SLC44A1: variants seen among roughly 807,000 people sequenced by gnomAD.
The protein encoded by SLC44A1 is choline transporter-like protein 1.
In SLC44A1, 26 loss-of-function variants were observed where a neutral mutation model predicts 79.3. The ratio of observed to expected loss-of-function variants is 0.33; its 90% CI spans 0.24 to 0.46. The LOEUF (loss-of-function observed/expected upper bound fraction) is 0.46. Ranked by LOEUF, SLC44A1 falls within the 20% of genes least tolerant of loss-of-function variation. The probability of loss-of-function intolerance (pLI) is 1.00; values close to 1 mark genes in which losing one functional copy is unlikely to be tolerated. For missense variants in SLC44A1, 688 were observed against 798.1 expected (o/e 0.86, Z 1.66); for synonymous variants, 263 against 286.2 (o/e 0.92, Z 0.82).
intron 13 of SLC44A1, among the ~76,000 whole-genome samples, chr9:105,381,785 A>G (rs1240860073): frequency 6.6e-6 from 1 of 152,194 alleles, no homozygotes; most frequent in Non-Finnish European, 1.5e-5. Context: ...GAGAGGGATC[A>G]ATTTATAGCT....
chr9:105,412,704 C>T (rs10114015), intron 15 of SLC44A1, among the ~76,000 whole-genome samples: 5 of 152,162 alleles, frequency 3.3e-5, no homozygotes, highest in African/African-American at 9.6e-5. Context: ...TGGGTTCTAG[C>T]GATTCTCCTG....
rs115626220 is a variant in SLC44A1, at chr9:105,276,979, G to A, written c.37-22241G>A. ...ATTGAAACTAGTGTTGAGGGGACACGGGTGGAAGCAGATAGAAGGCTATTG... is the reference window on the plus strand; with the variant it reads ...ATTGAAACTAGTGTTGAGGGGACACAGGTGGAAGCAGATAGAAGGCTATTG... On this transcript the variant is annotated intron_variant, in intron 1 of 15. Coordinates refer to ENST00000374720, the MANE Select transcript of SLC44A1 (RefSeq NM_080546.5). Among the ~76,000 whole-genome samples, 1,115 of 152,352 alleles carry A rather than the reference G, an allele frequency of 7.3e-3. 8 individuals are homozygous for A. The highest frequency in any genetic ancestry group is 0.025 in the African/African-American group (1,056 of 41,580).
At chr9:105,350,840 A>G (rs548176257) in intron 5 of SLC44A1, among the ~76,000 whole-genome samples, 1 of 152,328 alleles carries the variant, frequency 6.6e-6, no homozygotes, top group South Asian at 2.1e-4. Context: ...CCTTTGGCCC[A>G]TCTTTCTTGG....
chr9:105,335,585 T>C lies in SLC44A1; in HGVS notation c.292T>C (p.Cys98Arg). Reference sequence around the variant, plus strand: ...TAGGTATGTATTCTTTTTGGATCCATGCAACCTGGACTTGATAAACCGGAA... The same window carrying C: ...TAGGTATGTATTCTTTTTGGATCCACGCAACCTGGACTTGATAAACCGGAA... ...QRKYVFFLDP[C>R]NLDLINRKIK... Residue 98 changes from cysteine to arginine, a missense_variant, in exon 4 of 16, where the codon TGC becomes CGC. Coordinates refer to ENST00000374720, the MANE Select transcript of SLC44A1 (RefSeq NM_080546.5). The C allele has an allele frequency of 6.2e-7, 1 of 1,612,860 alleles. No homozygotes were observed. Among genetic ancestry groups the C allele is most frequent in the Non-Finnish European group, 8.5e-7 (1 of 1,179,182 alleles).
chr9:105,267,320 G>A (rs1829984012), intron 1 of SLC44A1, among the ~76,000 whole-genome samples: 2 of 152,084 alleles, frequency 1.3e-5, no homozygotes, highest in Admixed American at 6.5e-5. Flanking sequence ...CCCAAGTTCT[G>A]ACATTTTTCA....
rs182129695 is a variant in SLC44A1, at chr9:105,263,896, C to T, written c.36+18992C>T. On this transcript the variant is annotated intron_variant, in intron 1 of 15. Coordinates refer to ENST00000374720, the MANE Select transcript of SLC44A1 (RefSeq NM_080546.5). Reference sequence around the variant, plus strand: ...AGGGCTTGTTATTTTAAAAAGCTCCCCACCCTCCCCATTTTCTGCTGCCCT... The same window carrying T: ...AGGGCTTGTTATTTTAAAAAGCTCCTCACCCTCCCCATTTTCTGCTGCCCT... Among the ~76,000 whole-genome samples, 70 of 152,018 alleles carry T rather than the reference C, an allele frequency of 4.6e-4. 1 individual carries two copies. The highest frequency in any genetic ancestry group is 1.7e-3 in the African/African-American group (70 of 41,478).
At chr9:105,412,876 T>TA (rs1829115947) in intron 15 of SLC44A1, among the ~76,000 whole-genome samples, 1 of 152,156 alleles carries the variant, frequency 6.6e-6, no homozygotes, top group Non-Finnish European at 1.5e-5. Context: ...GTTCTAGGAT[T>TA]ACAGGCATGA....
At chr9:105,318,903 A>C (rs1461738462) in intron 3 of SLC44A1, among the ~76,000 whole-genome samples, 1 of 152,104 alleles carries the variant, frequency 6.6e-6, no homozygotes, top group Non-Finnish European at 1.5e-5. Context: ...GCCATGTCTA[A>C]GTTAAACAGC....
chr9:105,417,294 T>G (rs1477036375), intron 15 of SLC44A1, among the ~76,000 whole-genome samples: 3 of 152,244 alleles, frequency 2.0e-5, no homozygotes, highest in African/African-American at 7.2e-5. Flanking sequence ...ATGGATACAT[T>G]ACCATGTTGC....
At chr9:105,343,555 A>G (rs916041059) in intron 4 of SLC44A1, among the ~76,000 whole-genome samples, 2 of 152,238 alleles carry the variant, frequency 1.3e-5, no homozygotes, top group Admixed American at 6.5e-5. Flanking sequence ...ACAGTAAGTC[A>G]AAAGATTTGA....
intron 2 of SLC44A1, among the ~76,000 whole-genome samples, chr9:105,306,438 T>C (rs1224649292): frequency 6.6e-6 from 1 of 152,198 alleles, no homozygotes; most frequent in East Asian, 1.9e-4. Context: ...AAAGAGATTG[T>C]ATTTTTAATT....
chr9:105,349,344 T>G (rs891782052), intron 5 of SLC44A1, among the ~76,000 whole-genome samples: 1 of 152,184 alleles, frequency 6.6e-6, no homozygotes, highest in Admixed American at 6.5e-5. Context: ...TATAAAAAAT[T>G]TTGAGACTCA....
At chr9:105,426,302 G>T (rs7026554) in intron 15 of SLC44A1, among the ~76,000 whole-genome samples, 6,542 of 152,162 alleles carry the variant, frequency 0.043, 460 homozygotes, top group African/African-American at 0.15. Flanking sequence ...TATTTCTAAG[G>T]TTATATTTTT....
Position 105,364,690 on chromosome 9 carries a change from C to T in SLC44A1, c.1223C>T (p.Ala408Val), listed in dbSNP as rs908990838. Residue 408 changes from alanine to valine, a missense_variant, in exon 10 of 16, where the codon GCA (alanine) becomes GTA (valine). Transcript: ENST00000374720. ...FILACQQMTVAGAVVTYYFTR... is the reference protein window; with the variant it reads ...FILACQQMTVVGAVVTYYFTR... ...CTAGCATGTCAGCAGATGACAGTGG[C>T]AGGAGCTGTGGTAACATACTATTTT... 9.8e-5 allele frequency: 158 copies of T among 1,613,616 alleles called. No homozygotes were observed. The highest frequency in any genetic ancestry group is 1.3e-4 in the Non-Finnish European group (151 of 1,179,892).
At chr9:105,313,936 G>A (rs1831249246) in intron 3 of SLC44A1, among the ~76,000 whole-genome samples, 1 of 151,520 alleles carries the variant, frequency 6.6e-6, no homozygotes, top group Non-Finnish European at 1.5e-5. Context: ...ATTTTTTTTT[G>A]TATTTTTAGT....
chr9:105,357,697 T>G (rs1320291387), intron 6 of SLC44A1, among the ~76,000 whole-genome samples: 2 of 152,168 alleles, frequency 1.3e-5, no homozygotes, highest in African/African-American at 4.8e-5. Context: ...TCAAACAGCT[T>G]TGCTCCTTTT....
intron 6 of SLC44A1, among the ~76,000 whole-genome samples, chr9:105,358,101 C>A (rs899111256): frequency 1.3e-5 from 2 of 152,162 alleles, no homozygotes; most frequent in East Asian, 3.9e-4. Flanking sequence ...TGTGCATTTG[C>A]ATGTATTTTT....
rs982045831 is a variant in SLC44A1, at chr9:105,390,805, G to A, written c.*1749G>A. ...AAAACACATGCATACACACAATTAA[G>A]AGCTCATGTCTTAGCAAGATCTGGG... On this transcript the variant is annotated 3_prime_UTR_variant, in exon 16 of 16. Coordinates refer to ENST00000374720, the MANE Select transcript of SLC44A1 (RefSeq NM_080546.5). The A allele has an allele frequency of 2.0e-6, 2 of 985,452 alleles. No homozygotes were observed. The highest frequency in any genetic ancestry group is 2.4e-6 in the Non-Finnish European group (2 of 829,858). The allele number at this position is 985,452 out of a possible 1,614,324, so 61.0% of individuals were successfully genotyped here. A position where few individuals can be genotyped will look rare whatever the true frequency, so the allele number is the denominator to read the frequency against.
chr9:105,278,709 C>T (rs1830273559), intron 1 of SLC44A1, among the ~76,000 whole-genome samples: 2 of 152,206 alleles, frequency 1.3e-5, no homozygotes, highest in Non-Finnish European at 2.9e-5. Flanking sequence ...TCTGCATTTG[C>T]AGCTTTGCCA....
Sources: gnomAD v4.1 joint callset for allele counts (sites outside exome capture counted in the v4.1 genomes callset) on GRCh38, gnomAD v4.1.1 for gene constraint, MANE v1.5 for transcripts, NCBI Gene and HGNC (gene_info 2026-07-23, HGNC 2026-07-21) for gene names.